The following MACROH2A1 variants were observed in gnomAD, a reference collection of about 807,000 sequenced individuals.
MACROH2A1 encodes macroH2A.1 histone.
In MACROH2A1, 2 loss-of-function variants were observed where a neutral mutation model predicts 31.6. The ratio of observed to expected loss-of-function variants is 0.06; its 90% CI spans 0.03 to 0.20. MACROH2A1 has a LOEUF of 0.20. Ranked by LOEUF, MACROH2A1 falls within the 10% of genes least tolerant of loss-of-function variation. The probability of loss-of-function intolerance (pLI) is 1.00; values close to 1 mark genes in which losing one functional copy is unlikely to be tolerated. For missense variants in MACROH2A1, 230 were observed against 474.0 expected (o/e 0.49, Z 4.78); for synonymous variants, 169 against 189.6 (o/e 0.89, Z 0.89).
At chr5:135,384,180 G>T (rs1467221665) in intron 2 of MACROH2A1, among the ~76,000 whole-genome samples, 1 of 152,190 alleles carries the variant, frequency 6.6e-6, no homozygotes. Context: ...ATGAGTATCA[G>T]TGTAACAGGA....
At chr5:135,360,308 C>T in intron 5 of MACROH2A1, 189 bp downstream of exon 5, 1 of 593,616 alleles carries the variant, frequency 1.7e-6, no homozygotes, top group Non-Finnish European at 3.0e-6. Context: ...TGCCAGGGTC[C>T]TCCCTCAGCA....
intron 2 of MACROH2A1, among the ~76,000 whole-genome samples, 197 bp from the exon 3 acceptor site, chr5:135,370,339 A>G (rs916051308): frequency 8.5e-5 from 13 of 152,302 alleles, no homozygotes; most frequent in African/African-American, 3.1e-4. Context: ...CCCAGGTCCA[A>G]TGCCCTTGTT....
intron 8 of MACROH2A1, among the ~76,000 whole-genome samples, chr5:135,339,880 T>C (rs1759493001): frequency 6.6e-6 from 1 of 152,186 alleles, no homozygotes; most frequent in South Asian, 2.1e-4. Context: ...AGCCCCAAAG[T>C]GGCCTCCCAC....
At chr5:135,342,555 T>C (rs1446367006) in intron 8 of MACROH2A1, among the ~76,000 whole-genome samples, 1 of 152,220 alleles carries the variant, frequency 6.6e-6, no homozygotes, top group Non-Finnish European at 1.5e-5. Context: ...ACTTCTCCTG[T>C]GGTGGTCCTC....
rs572881173 is a variant in MACROH2A1, at chr5:135,337,545, C to A, written c.954-2404G>T. Among the ~76,000 whole-genome samples the A allele has an allele frequency of 4.6e-5, 7 of 152,364 alleles. No individual in the cohort carries two copies. The East Asian group carries it at 1.2e-3, about 25-fold the overall frequency. ...ATGTGACTTTCAGTGAGGAAATATT[C>A]TTTTCTATTCCTCTACATCAATAGT... On this transcript the variant is annotated intron_variant, in intron 8 of 8. Transcript: ENST00000511689.
intron 4 of MACROH2A1, among the ~76,000 whole-genome samples, chr5:135,364,853 T>C (rs1763297987): frequency 6.6e-6 from 1 of 152,210 alleles, no homozygotes; most frequent in African/African-American, 2.4e-5. Flanking sequence ...ATCACTCAAT[T>C]TGCAGTTTAA....
chr5:135,382,356 A>G lies in MACROH2A1; in HGVS notation c.172+6566T>C, dbSNP rs117289185. On this transcript the variant is annotated intron_variant, in intron 2 of 8. Coordinates refer to ENST00000511689, the MANE Select transcript of MACROH2A1 (RefSeq NM_138610.3). ...ATGAGACAGCAGTGACACTCCTTTGACTTTTGAAGATTTCCAGGCACCATG... is the reference window on the plus strand; with the variant it reads ...ATGAGACAGCAGTGACACTCCTTTGGCTTTTGAAGATTTCCAGGCACCATG... Among the ~76,000 whole-genome samples, 19 of 152,330 alleles carry G rather than the reference A, an allele frequency of 1.2e-4. No homozygotes were observed. In the East Asian group the frequency reaches 3.7e-3, roughly 29 times the overall value.
At chr5:135,366,649 G>A (rs1462572256) in intron 4 of MACROH2A1, among the ~76,000 whole-genome samples, 1 of 151,864 alleles carries the variant, frequency 6.6e-6, no homozygotes, top group Admixed American at 6.6e-5. Context: ...TATATGCACA[G>A]ACTTTCTGAA....
intron 8 of MACROH2A1, among the ~76,000 whole-genome samples, chr5:135,339,164 T>C (rs1408771537): frequency 6.6e-6 from 1 of 152,210 alleles, no homozygotes; most frequent in African/African-American, 2.4e-5. Context: ...ATCTGAGCTT[T>C]CCCTAAATTC....
At chr5:135,338,914 C>A (rs1325520991) in intron 8 of MACROH2A1, among the ~76,000 whole-genome samples, 1 of 152,180 alleles carries the variant, frequency 6.6e-6, no homozygotes. Context: ...ATTTCCTCCA[C>A]TAGAAATTAG....
Position 135,334,855 on chromosome 5 carries a change from C to G in MACROH2A1, c.*121G>C. 4.9e-6 allele frequency: 4 copies of G among 823,788 alleles called. No homozygotes were observed. Among genetic ancestry groups the G allele is most frequent in the Non-Finnish European group, 7.9e-6 (4 of 507,986 alleles). 51.0% of individuals were successfully genotyped at this position (823,788 alleles called of 1,614,324 possible). On this transcript the variant is annotated 3_prime_UTR_variant, in exon 9 of 9. Coordinates refer to ENST00000511689, the MANE Select transcript of MACROH2A1 (RefSeq NM_138610.3). The stretch of plus-strand genomic sequence containing the variant: ...ACTGGAAACCAAAGCCTTATTTTCC[C>G]TAGATGAGCAAAACTGAAAATGAAA...
In MACROH2A1 at chr5:135,335,092, A is replaced by T; in HGVS notation, c.1003T>A (p.Ser335Thr). 6.2e-7 allele frequency: 1 copy of T among 1,613,822 alleles called. No individual in the cohort carries two copies. The highest frequency in any genetic ancestry group is 8.5e-7 in the Non-Finnish European group (1 of 1,179,690). ...TAAQLILKAI[S>T]SYFVSTMSSS... ...GACATTGTAGACACGAAGTAACTGG[A>T]GATGGCCTTCAGAATCAGCTGAGCT... The change falls in exon 9 of 9, where the codon TCC becomes ACC. Residue 335 changes from serine (S) to threonine (T), a missense_variant. Around this residue, in one of 2 missense-constraint regions of MACROH2A1, gnomAD observed 183 missense variants for 319.3 expected, o/e 0.57. Coordinates refer to ENST00000511689, the MANE Select transcript of MACROH2A1 (RefSeq NM_138610.3).
intron 4 of MACROH2A1, 113 bp from the exon 5 acceptor site, chr5:135,360,720 AC>A: frequency 1.3e-6 from 1 of 771,272 alleles, no homozygotes. Flanking sequence ...AAACTAAACC[AC>A]AACCAGTTCT....
At chr5:135,393,906 AGAG>A (rs1442295540) in intron 1 of MACROH2A1, among the ~76,000 whole-genome samples, 1 of 152,240 alleles carries the variant, frequency 6.6e-6, no homozygotes, top group Non-Finnish European at 1.5e-5. Flanking sequence ...AAACTTTTAT[AGAG>A]GAGCTGGATG....
intron 4 of MACROH2A1, among the ~76,000 whole-genome samples, chr5:135,367,588 G>C (rs1408898970): frequency 6.6e-6 from 1 of 152,180 alleles, no homozygotes; most frequent in Non-Finnish European, 1.5e-5. Flanking sequence ...AGAGTAACAG[G>C]AACAAGATTC....
intron 2 of MACROH2A1, among the ~76,000 whole-genome samples, chr5:135,374,158 C>T (rs1669457455): frequency 6.6e-6 from 1 of 152,166 alleles, no homozygotes. Flanking sequence ...GTAATACTCA[C>T]CCTCTCATCC....
intron 1 of MACROH2A1, among the ~76,000 whole-genome samples, chr5:135,393,593 GA>G (rs1437149567): frequency 6.6e-6 from 1 of 152,206 alleles, no homozygotes; most frequent in Non-Finnish European, 1.5e-5. Flanking sequence ...CTGGTCACAG[GA>G]GAACAGCTAT....
rs1434950141 is a variant in MACROH2A1, at chr5:135,398,929, C to A, written c.-34+133G>T. 6.6e-6 allele frequency: 1 copy of A among 150,870 alleles called. No homozygotes were observed. The highest frequency in any genetic ancestry group is 1.5e-5 in the Non-Finnish European group (1 of 67,648). The allele number at this position is 150,870 out of a possible 1,614,324, so 9.3% of individuals were successfully genotyped here. A position where few individuals can be genotyped will look rare whatever the true frequency, so the allele number is the denominator to read the frequency against. ...ACGCGCGAGGACCCGGCGTGGGCCA[C>A]ACCGAACCCGGCGGCCCGAGCCCGG... On this transcript the variant is annotated intron_variant, in intron 1 of 8. Coordinates refer to ENST00000511689, the MANE Select transcript of MACROH2A1 (RefSeq NM_138610.3). The surrounding 1 kb of genome is among the most constrained non-coding windows in gnomAD (Gnocchi z 4.6).
chr5:135,352,795 G>A (rs1020260403), intron 6 of MACROH2A1, 151 bp downstream of exon 6: 3 of 623,146 alleles, frequency 4.8e-6, no homozygotes, highest in Admixed American at 5.2e-5. Flanking sequence ...CCTGGAGTAA[G>A]TTGATATTCA....
Sources: allele counts gnomAD v4.1 joint callset (sites outside exome capture counted in the v4.1 genomes callset), GRCh38; gene constraint gnomAD v4.1.1; regional missense constraint gnomAD v4.1.1; non-coding constraint Gnocchi (gnomAD v3.1); transcripts MANE v1.5; gene names NCBI Gene and HGNC (gene_info 2026-07-23, HGNC 2026-07-21).